Variants in RGS17 observed in about 807,000 individuals in gnomAD.
RGS17 encodes regulator of G protein signaling 17.
A neutral mutation model predicts 25.5 loss-of-function variants in RGS17; 12 were observed. The ratio of observed to expected loss-of-function variants is 0.47; its 90% confidence interval spans 0.30 to 0.76. The LOEUF (loss-of-function observed/expected upper bound fraction) is 0.76. RGS17 is among the 30% of genes least tolerant of loss of function. The pLI is 0.07. For missense variants in RGS17, 196 were observed against 242.2 expected (o/e 0.81, Z 1.27); for synonymous variants, 71 against 76.9 (o/e 0.92, Z 0.40).
rs1237403120 is a variant in RGS17 at position 153,007,540 on chromosome 6, T to C, written c.*4034A>G. ...CAAAGTATTCAAAATACATGTTTGA[T>C]AGGCTTCTATCTATAGGCATTTTCT... is the stretch of plus-strand genomic sequence containing the variant. On this transcript the variant is annotated 3_prime_UTR_variant, in exon 5 of 5. Coordinates refer to ENST00000206262, the MANE Select transcript of RGS17 (RefSeq NM_012419.5). The C allele has an allele frequency of 3.9e-5, 6 of 152,088 alleles. No homozygotes were observed. The highest frequency in any genetic ancestry group is 8.8e-5 in the Non-Finnish European group (6 of 68,018). The allele number at this position is 152,088 out of a possible 1,614,324, so 9.4% of individuals were successfully genotyped here.
At chr6:153,085,321 C>A (rs532923967) in intron 1 of RGS17, among the ~76,000 whole-genome samples, 4 of 152,158 alleles carry the variant, frequency 2.6e-5, no homozygotes, top group African/African-American at 9.6e-5. Context: ...TATCAGGTAC[C>A]ACATCCTCCT....
At chr6:153,068,291 C>CAA (rs112545271) in intron 1 of RGS17, among the ~76,000 whole-genome samples, 58,117 of 151,670 alleles carry the variant, frequency 0.38, 11,805 homozygotes, top group East Asian at 0.62. Flanking sequence ...ACTAAAAATA[C>CAA]AAAAAACTAG....
chr6:153,119,275 C>T (rs1452664359), intron 1 of RGS17, among the ~76,000 whole-genome samples: 1 of 152,182 alleles, frequency 6.6e-6, no homozygotes. Context: ...ATTCACCCTC[C>T]CAGTCATTGA....
intron 1 of RGS17, among the ~76,000 whole-genome samples, chr6:153,110,751 G>T (rs140687790): frequency 3.9e-4 from 60 of 152,302 alleles, no homozygotes; most frequent in African/African-American, 1.4e-3. Context: ...TCATCTCATT[G>T]CGACTGCTTA....
At chr6:153,050,110 C>T (rs1157727252) in intron 1 of RGS17, among the ~76,000 whole-genome samples, 1 of 152,018 alleles carries the variant, frequency 6.6e-6, no homozygotes, top group African/African-American at 2.4e-5. Flanking sequence ...AAAATTACAC[C>T]TCCAAGTGAT....
chr6:153,029,124 C>A (rs1295813569), intron 2 of RGS17, among the ~76,000 whole-genome samples: 1 of 152,186 alleles, frequency 6.6e-6, no homozygotes, highest in Non-Finnish European at 1.5e-5. Flanking sequence ...TATGGACACA[C>A]ATTTGGACTA....
At chr6:153,061,090 T>C (rs3904837) in intron 1 of RGS17, among the ~76,000 whole-genome samples, 58,418 of 152,052 alleles carry the variant, frequency 0.38, 11,915 homozygotes, top group East Asian at 0.62. Context: ...TGCTTAGAAA[T>C]TTTAGAAAGA....
At chr6:153,026,430 T>G (rs1408751098) in intron 3 of RGS17, 24 bp downstream of exon 3, 1 of 1,542,450 alleles carries the variant, frequency 6.5e-7, no homozygotes, top group Admixed American at 1.7e-5. Context: ...CAAGAAACAA[T>G]AGCTATGTGG....
chr6:153,127,629 A>G (rs1392814332), intron 1 of RGS17, among the ~76,000 whole-genome samples: 1 of 152,214 alleles, frequency 6.6e-6, no homozygotes, highest in African/African-American at 2.4e-5. Context: ...ATATCTGCCT[A>G]TAGGTAATTT....
Position 153,026,629 on chromosome 6 carries a change from CAGG to C in RGS17, c.120-89_120-87del. ...TAAATTTTTCTGGGGAAACATTTCACAGGAGATCTTATATTCAACTATGTGAGA... is the reference window on the plus strand; with the variant it reads ...TAAATTTTTCTGGGGAAACATTTCACAGATCTTATATTCAACTATGTGAGA... On this transcript the variant is annotated intron_variant, in intron 2 of 4. Transcript: ENST00000206262. 4 of 967,186 alleles carry C rather than the reference CAGG, an allele frequency of 4.1e-6. No individual in the cohort carries two copies. In the South Asian group the frequency reaches 5.8e-5, roughly 14 times the overall value. The allele number at this position is 967,186 out of a possible 1,614,324, so 59.9% of individuals were successfully genotyped here.
At chr6:153,085,567 T>C (rs1268290157) in intron 1 of RGS17, among the ~76,000 whole-genome samples, 2 of 152,320 alleles carry the variant, frequency 1.3e-5, no homozygotes, top group East Asian at 3.9e-4. Flanking sequence ...AGGGAAGCAG[T>C]GCATTAATTT....
intron 4 of RGS17, 100 bp downstream of exon 4, chr6:153,024,162 A>T: frequency 1.4e-6 from 1 of 718,848 alleles, no homozygotes; most frequent in Non-Finnish European, 2.4e-6. Flanking sequence ...GAAATCTTCT[A>T]CCCTCTCCAC....
chr6:153,129,008 C>G (rs937483507), intron 1 of RGS17, among the ~76,000 whole-genome samples: 18 of 152,154 alleles, frequency 1.2e-4, no homozygotes, highest in African/African-American at 3.4e-4. Context: ...GTAAATTCGA[C>G]GGTTTTCTTA....
chr6:153,129,622 C>G (rs1322771714), intron 1 of RGS17, among the ~76,000 whole-genome samples: 1 of 152,160 alleles, frequency 6.6e-6, no homozygotes, highest in East Asian at 1.9e-4. Flanking sequence ...GCAGATGGCA[C>G]CCAGCCTCAG....
intron 1 of RGS17, among the ~76,000 whole-genome samples, chr6:153,105,319 T>G (rs1181962972): frequency 1.3e-5 from 2 of 152,136 alleles, no homozygotes; most frequent in Admixed American, 6.6e-5. Context: ...TAGAGAGGGT[T>G]GACAGCTCCA....
intron 2 of RGS17, among the ~76,000 whole-genome samples, chr6:153,038,541 C>A (rs1173304036): frequency 6.6e-6 from 1 of 152,178 alleles, no homozygotes; most frequent in African/African-American, 2.4e-5. Flanking sequence ...AGTTATTCTG[C>A]AGGAATAACG....
chr6:153,014,580 C>T (rs1779164353), intron 4 of RGS17, among the ~76,000 whole-genome samples: 1 of 152,076 alleles, frequency 6.6e-6, no homozygotes, highest in Non-Finnish European at 1.5e-5. Flanking sequence ...GGGTGGATCA[C>T]GAGGTTAGGA....
chr6:153,119,329 T>G (rs1004935970), intron 1 of RGS17, among the ~76,000 whole-genome samples: 2 of 152,172 alleles, frequency 1.3e-5, no homozygotes, highest in African/African-American at 2.4e-5. Flanking sequence ...CCACCCTACA[T>G]TTTTTCAGTG....
intron 4 of RGS17, among the ~76,000 whole-genome samples, chr6:153,020,370 G>A (rs1401673676): frequency 6.6e-6 from 1 of 150,884 alleles, no homozygotes; most frequent in Non-Finnish European, 1.5e-5. Flanking sequence ...GGCCAGGCTG[G>A]TCTCGAATGC....
Sources: gnomAD v4.1 joint callset for allele counts (sites outside exome capture counted in the v4.1 genomes callset) on GRCh38, gnomAD v4.1.1 for gene constraint, MANE v1.5 for transcripts, NCBI Gene and HGNC (gene_info 2026-07-23, HGNC 2026-07-21) for gene names.